CSMD2: variants seen among roughly 807,000 people sequenced by gnomAD.
CSMD2 encodes CUB and Sushi multiple domains 2.
A neutral mutation model predicts 398.5 loss-of-function variants in CSMD2; 130 were observed. The ratio of observed to expected loss-of-function variants is 0.33; its 90% CI spans 0.28 to 0.38. The LOEUF (loss-of-function observed/expected upper bound fraction) is 0.38. Ranked by LOEUF, CSMD2 falls within the 10% of genes least tolerant of loss-of-function variation. The probability of loss-of-function intolerance (pLI) is 1.00; values close to 1 mark genes in which losing one functional copy is unlikely to be tolerated. For missense variants in CSMD2, 3,829 were observed against 4,764.9 expected (o/e 0.80, Z 5.78); for synonymous variants, 1,828 against 1,908.5 (o/e 0.96, Z 1.10).
chr1:33,769,033 G>A (rs1466436092), intron 13 of CSMD2, among the ~76,000 whole-genome samples: 1 of 152,252 alleles, frequency 6.6e-6, no homozygotes, highest in Admixed American at 6.5e-5. Flanking sequence ...ATTGATAATT[G>A]GTTTCCTGGC....
chr1:34,124,578 T>G (rs7551876), intron 1 of CSMD2, among the ~76,000 whole-genome samples: 82,914 of 151,878 alleles, frequency 0.55, 23,227 homozygotes, highest in Middle Eastern at 0.62. Flanking sequence ...GTCTTCTCAT[T>G]GGCTTGCTCA....
At chr1:34,021,500 G>A (rs949362864) in intron 3 of CSMD2, among the ~76,000 whole-genome samples, 1 of 152,206 alleles carries the variant, frequency 6.6e-6, no homozygotes, top group African/African-American at 2.4e-5. Flanking sequence ...GGGAGGGGCT[G>A]GGAGTGGGCT....
At position 33,541,199 on chromosome 1, in the gene CSMD2, A is replaced by G. The variant is rs765891155; in HGVS notation, c.9388T>C (p.Ser3130Pro). Residue 3130 changes from serine to proline, a missense_variant, in exon 59 of 71, where the codon TCA becomes CCA. Physicochemically the swap from Ser to Pro is moderately conservative, Grantham distance 74. Around this residue, in one of 5 missense-constraint regions of CSMD2, gnomAD observed 917 missense variants for 1,199.5 expected, o/e 0.76. Transcript: ENST00000373381. ...YQCVPGYMMESHRVSVLSCTK... is the reference protein window; with the variant it reads ...YQCVPGYMMEPHRVSVLSCTK... ...CAGCTCAGCACAGATACTCTATGTG[A>G]CTCCATCATATAGCCAGGGACACAC... 2.5e-6 allele frequency: 4 copies of G among 1,613,732 alleles called. No homozygotes were observed. In the South Asian group the frequency reaches 4.4e-5, roughly 18 times the overall value.
intron 1 of CSMD2, among the ~76,000 whole-genome samples, chr1:34,093,508 GA>G (rs1158724137): frequency 1.3e-5 from 2 of 151,918 alleles, no homozygotes; most frequent in African/African-American, 2.4e-5. Flanking sequence ...TGAAAACTTT[GA>G]AAAAAATTTA....
chr1:33,837,801 T>TA (rs1297105120), intron 6 of CSMD2, among the ~76,000 whole-genome samples: 1 of 152,230 alleles, frequency 6.6e-6, no homozygotes, highest in African/African-American at 2.4e-5. Context: ...ATGGAAATCT[T>TA]ACTAGGTACA....
chr1:34,039,809 C>G, intron 2 of CSMD2, among the ~76,000 whole-genome samples: 1 of 152,086 alleles, frequency 6.6e-6, no homozygotes, highest in Non-Finnish European at 1.5e-5. Flanking sequence ...TGATGTATGG[C>G]CCTGGGTAAT....
chr1:33,880,087 T>C (rs1362763710), intron 5 of CSMD2, among the ~76,000 whole-genome samples: 2 of 152,172 alleles, frequency 1.3e-5, no homozygotes, highest in Admixed American at 1.3e-4. Context: ...AGTCAGTGGA[T>C]GAGCAAACAC....
In CSMD2 at chr1:33,914,142, G is replaced by A. The variant is rs1395295264; in HGVS notation, c.920+3952C>T. Among the ~76,000 whole-genome samples the A allele has an allele frequency of 2.6e-5, 4 of 152,162 alleles. No homozygotes were observed. In the East Asian group the frequency reaches 7.7e-4, roughly 29 times the overall value. On this transcript the variant is annotated intron_variant, in intron 5 of 70. Transcript: ENST00000373381. ...TTAGAACGTGATGGAAAGGAATGGA[G>A]CTCCATGATGGTCAGAGCCAAGTGA...
chr1:33,945,487 C>T (rs1343662884), intron 3 of CSMD2, among the ~76,000 whole-genome samples: 1 of 152,080 alleles, frequency 6.6e-6, no homozygotes, highest in African/African-American at 2.4e-5. Context: ...GAGCTAGACC[C>T]TGCCTTTAAG....
intron 2 of CSMD2, among the ~76,000 whole-genome samples, chr1:34,060,272 T>C (rs1558316214): frequency 6.6e-6 from 1 of 152,164 alleles, no homozygotes; most frequent in East Asian, 1.9e-4. Context: ...GGATTCAGTT[T>C]GGGTAAAATC....
Position 33,662,989 on chromosome 1 carries a change from C to T in CSMD2, c.4156G>A (p.Ala1386Thr). The change falls in exon 26 of 71, where the codon GCC (alanine) becomes ACC (threonine). Residue 1386 changes from alanine to threonine, a missense_variant. Coordinates refer to ENST00000373381, the MANE Select transcript of CSMD2 (RefSeq NM_001281956.2). The part of the protein sequence containing the change: ...GVLLKELSGP[A>T]LPKDLHSTFN... The stretch of plus-strand genomic sequence containing the variant: ...GTGCTATGCAGGTCCTTGGGCAGGG[C>T]CGGGCCACTCAGCTCCTTCAGCAGA... 1 of 1,614,158 alleles carries T rather than the reference C, an allele frequency of 6.2e-7. No homozygotes were observed. Among genetic ancestry groups the T allele is most frequent in the East Asian group, 2.2e-5 (1 of 44,872 alleles).
chr1:33,878,875 T>C (rs963468384), intron 5 of CSMD2, among the ~76,000 whole-genome samples: 1 of 152,224 alleles, frequency 6.6e-6, no homozygotes, highest in Non-Finnish European at 1.5e-5. Flanking sequence ...TGTAGTCCTA[T>C]TTGCCACAGG....
intron 3 of CSMD2, among the ~76,000 whole-genome samples, chr1:34,013,534 G>A (rs149897497): frequency 0.033 from 4,971 of 152,172 alleles, 131 homozygotes; most frequent in Non-Finnish European, 0.051. Flanking sequence ...GAAGCCCTTC[G>A]GGGCAGGGGC....
chr1:33,816,663 CT>C (rs1424165320), intron 9 of CSMD2, among the ~76,000 whole-genome samples: 1 of 152,164 alleles, frequency 6.6e-6, no homozygotes, highest in Non-Finnish European at 1.5e-5. Flanking sequence ...CCTCAATCTC[CT>C]TTGTGTGATG....
rs1398232251 is a variant in CSMD2 at position 33,739,291 on chromosome 1, A to T, written c.2217T>A (p.Asn739Lys). The stretch of plus-strand genomic sequence containing the variant: ...GGAGGCTGTCCCCAAACCGTTTGCC[A>T]TTTACTGGAACGCCAGGATCCGGGC... Reference protein sequence around the residue: ...NECPDPGVPVNGKRFGDSLQL... With the variant: ...NECPDPGVPVKGKRFGDSLQL... Residue 739 changes from asparagine (N) to lysine (K), a missense_variant, in exon 15 of 71, where the codon AAT (asparagine) becomes AAA (lysine). Asn to Lys is a moderately conservative substitution (Grantham distance 94, BLOSUM62 0). This residue lies in a region of CSMD2 where 2,001 missense variants were observed against 2,567.1 expected (regional missense o/e 0.78). Transcript: ENST00000373381. The T allele has an allele frequency of 6.2e-7, 1 of 1,613,920 alleles. No individual in the cohort carries two copies. The highest frequency in any genetic ancestry group is 8.5e-7 in the Non-Finnish European group (1 of 1,179,966).
Position 33,694,067 on chromosome 1 carries a change from TAAC to T in CSMD2, c.3926-1014_3926-1012del, listed in dbSNP as rs141431949. ...AATGCGAAACTCCATCTCAAAACAA[TAAC>T]AACAACAACAACAACAACAAGGAAT... On this transcript the variant is annotated intron_variant, in intron 24 of 70. Transcript: ENST00000373381. Among the ~76,000 whole-genome samples, 242 of 151,558 alleles carry T rather than the reference TAAC, an allele frequency of 1.6e-3. 5 individuals carry two copies. The East Asian group carries it at 0.036, about 23-fold the overall frequency.
chr1:33,612,081 C>T (rs1422783053), intron 40 of CSMD2, among the ~76,000 whole-genome samples: 1 of 152,132 alleles, frequency 6.6e-6, no homozygotes, highest in Non-Finnish European at 1.5e-5. Flanking sequence ...ATTTGCTGGG[C>T]ATTTGCTGTA....
intron 2 of CSMD2, among the ~76,000 whole-genome samples, chr1:34,033,611 C>T (rs1650733117): frequency 6.6e-6 from 1 of 152,240 alleles, no homozygotes; most frequent in Admixed American, 6.5e-5. Context: ...CAGTCTCCTA[C>T]ACACCTTTGT....
chr1:33,692,174 G>A (rs1164557480), intron 25 of CSMD2, among the ~76,000 whole-genome samples: 2 of 152,184 alleles, frequency 1.3e-5, no homozygotes, highest in Admixed American at 1.3e-4. Flanking sequence ...TAATAAGGTA[G>A]GCTCTGTGTT....
Sources: gnomAD v4.1 joint callset for allele counts (sites outside exome capture counted in the v4.1 genomes callset) on GRCh38, gnomAD v4.1.1 for gene constraint, gnomAD v4.1.1 regional missense constraint, MANE v1.5 for transcripts, NCBI Gene and HGNC (gene_info 2026-07-23, HGNC 2026-07-21) for gene names.